The following TTYH2 variants were observed in gnomAD, a reference collection of about 807,000 sequenced individuals.
TTYH2 encodes protein tweety homolog 2.
A neutral mutation model predicts 68.3 loss-of-function variants in TTYH2; 49 were observed. The observed-to-expected ratio is 0.72, with a 90% CI of 0.57 to 0.91. The LOEUF (loss-of-function observed/expected upper bound fraction) is 0.91. Ranked by LOEUF, TTYH2 falls within the 40% of genes least tolerant of loss-of-function variation. The pLI is 0.00. For synonymous variants in TTYH2, 272 were observed against 300.8 expected (o/e 0.90, Z 0.99); for missense variants, 631 against 700.4 (o/e 0.90, Z 1.12).
rs949895028 is a variant in TTYH2, at chr17:74,217,691, C to T, written c.129+3975C>T. ...TCCCTCTCCCAGCCTCCCCCTGAGACCGGCACACCTCTCTCTATGTCTTCT... is the reference window on the plus strand; with the variant it reads ...TCCCTCTCCCAGCCTCCCCCTGAGATCGGCACACCTCTCTCTATGTCTTCT... On this transcript the variant is annotated intron_variant, in intron 1 of 13. Transcript: ENST00000269346. The surrounding 1 kb of genome is among the most constrained non-coding windows in gnomAD (Gnocchi z 4.0). Among the ~76,000 whole-genome samples the T allele has an allele frequency of 1.3e-5, 2 of 152,320 alleles. No homozygotes were observed. Among genetic ancestry groups the T allele is most frequent in the African/African-American group, 4.8e-5 (2 of 41,578 alleles).
At chr17:74,227,983 C>CT (rs35080135) in intron 2 of TTYH2, among the ~76,000 whole-genome samples, 14,133 of 112,456 alleles carry the variant, frequency 0.13, 1,180 homozygotes, top group Non-Finnish European at 0.17. Context: ...TCTTTTCTTT[C>CT]TTTTTTTTTT....
intron 2 of TTYH2, among the ~76,000 whole-genome samples, chr17:74,224,723 G>T (rs971425543): frequency 6.6e-6 from 1 of 152,174 alleles, no homozygotes; most frequent in Non-Finnish European, 1.5e-5. Context: ...GAGAGGGCTG[G>T]GCGTGGTGGC....
chr17:74,237,806 T>C (rs58404160), intron 4 of TTYH2, among the ~76,000 whole-genome samples: 3,645 of 152,140 alleles, frequency 0.024, 156 homozygotes, highest in African/African-American at 0.081. Context: ...AATTTTTGTA[T>C]TTTTAGTAGA....
chr17:74,241,772 G>C lies in TTYH2; in HGVS notation c.636-1602G>C, dbSNP rs1021840217. ...TCCAAATACTTCCCTCTTTGGGGAC[G>C]GGGAAGCCCCTGTCTCTGTGCCCGC... On this transcript the variant is annotated intron_variant, in intron 4 of 13. Coordinates refer to ENST00000269346, the MANE Select transcript of TTYH2 (RefSeq NM_032646.6). The surrounding 1 kb of genome is among the most constrained non-coding windows in gnomAD (Gnocchi z 4.1). Among the ~76,000 whole-genome samples, 3 of 152,172 alleles carry C rather than the reference G, an allele frequency of 2.0e-5. No individual in the cohort carries two copies. The highest frequency in any genetic ancestry group is 4.4e-5 in the Non-Finnish European group (3 of 68,040).
At position 74,222,376 on chromosome 17, in the gene TTYH2, C is replaced by T. The variant is rs183959502; in HGVS notation, c.130-109C>T. The T allele has an allele frequency of 5.0e-5, 64 of 1,287,060 alleles. No homozygotes were observed. In the East Asian group the frequency reaches 1.0e-3, roughly 21 times the overall value. The allele number at this position is 1,287,060 out of a possible 1,614,324, so 79.7% of individuals were successfully genotyped here. ...CCTAGGTGGAGCTTGGAAGGATGGACGAGAGATGCAGCTCAGGCAGTGGGG... is the reference window on the plus strand; with the variant it reads ...CCTAGGTGGAGCTTGGAAGGATGGATGAGAGATGCAGCTCAGGCAGTGGGG... On this transcript the variant is annotated intron_variant, in intron 1 of 13. Transcript: ENST00000269346. This position sits in a 1 kb window ranked among gnomAD's most constrained non-coding sequence, Gnocchi z 5.2.
intron 4 of TTYH2, among the ~76,000 whole-genome samples, chr17:74,240,543 TCTC>T (rs1038120031): frequency 2.0e-5 from 3 of 152,226 alleles, no homozygotes; most frequent in East Asian, 1.9e-4. Context: ...ATCTGTGGCT[TCTC>T]CTCTCACCTG....
intron 5 of TTYH2, 91 bp downstream of exon 5, chr17:74,243,560 G>A: frequency 1.1e-5 from 15 of 1,415,728 alleles, no homozygotes; most frequent in Non-Finnish European, 1.5e-5. Flanking sequence ...TCCAGAGTGT[G>A]GGGAAAATAG....
rs960803457 is a variant in TTYH2, at chr17:74,249,224, A to G, written c.875-120A>G. 17 of 1,558,208 alleles carry G rather than the reference A, an allele frequency of 1.1e-5. 1 individual carries two copies. In the Admixed American group the frequency reaches 1.5e-4, roughly 14 times the overall value. ...CAGCTCATGCTCTAGGCCATTTCCT[A>G]GAAAGTGCCTCCCTTGGGAGCTCAG... On this transcript the variant is annotated intron_variant, in intron 7 of 13. Transcript: ENST00000269346.
In TTYH2 at chr17:74,215,181, G is replaced by A. The variant is rs1421677871; in HGVS notation, c.129+1465G>A. 6.6e-6 allele frequency among the ~76,000 whole-genome samples: 1 copy of A among 151,830 alleles called. No individual in the cohort carries two copies. The highest frequency in any genetic ancestry group is 6.6e-5 in the Admixed American group (1 of 15,222). ...ATTTCAGAAACAGCCGTGTGTGTGT[G>A]TGTGTGTGTGTGTGTGTGTGTGTCC... On this transcript the variant is annotated intron_variant, in intron 1 of 13. Transcript: ENST00000269346. The surrounding 1 kb of genome is among the most constrained non-coding windows in gnomAD (Gnocchi z 4.3).
In TTYH2 at chr17:74,222,971, C is replaced by G. The variant is rs965221142; in HGVS notation, c.302+314C>G. Among the ~76,000 whole-genome samples the G allele has an allele frequency of 6.6e-5, 10 of 152,318 alleles. No homozygotes were observed. Among genetic ancestry groups the G allele is most frequent in the Middle Eastern group, 3.4e-3 (1 of 294 alleles). On this transcript the variant is annotated intron_variant, in intron 2 of 13. Transcript: ENST00000269346. This position sits in a 1 kb window ranked among gnomAD's most constrained non-coding sequence, Gnocchi z 5.2. ...CATCTCCAGTCTCTGTCCCTGGCCC[C>G]TGCCAGCTGCTGCCCTGGGTCTGTG... is the stretch of plus-strand genomic sequence containing the variant.
chr17:74,252,943 C>A, intron 11 of TTYH2, 138 bp from the exon 12 acceptor site: 1 of 830,662 alleles, frequency 1.2e-6, no homozygotes, highest in Non-Finnish European at 1.9e-6. Context: ...GGCTGGGGAC[C>A]GCGTTTTAGA....
chr17:74,243,597 C>T (rs2050524382), intron 5 of TTYH2, 128 bp downstream of exon 5: 1 of 925,238 alleles, frequency 1.1e-6, no homozygotes, highest in Non-Finnish European at 1.7e-6. Flanking sequence ...CACCTTCTGC[C>T]CCGTCCTCAG....
chr17:74,254,783 G>A (rs1311304653), intron 13 of TTYH2, among the ~76,000 whole-genome samples: 2 of 152,240 alleles, frequency 1.3e-5, no homozygotes, highest in Non-Finnish European at 2.9e-5. Context: ...TTTTGCTCCA[G>A]AGAAAATTAA....
intron 4 of TTYH2, among the ~76,000 whole-genome samples, chr17:74,242,141 T>A (rs908079434): frequency 6.6e-6 from 1 of 152,134 alleles, no homozygotes; most frequent in African/African-American, 2.4e-5. Context: ...AGGGGTGAAG[T>A]GGCTTACCAA....
chr17:74,250,005 G>T lies in TTYH2; in HGVS notation c.1000G>T (p.Val334Leu). The T allele has an allele frequency of 1.9e-6, 3 of 1,614,138 alleles. No individual in the cohort carries two copies. Among genetic ancestry groups the T allele is most frequent in the Non-Finnish European group, 2.5e-6 (3 of 1,180,020 alleles). Residue 334 changes from valine (V) to leucine (L), a missense_variant, in exon 9 of 14, where the codon GTG becomes TTG. Coordinates refer to ENST00000269346, the MANE Select transcript of TTYH2 (RefSeq NM_032646.6). Reference sequence around the variant, plus strand: ...GGTCGCGGGGCTGCTGCAGTTTGCCGTGCCCCTCTTCTCCACTGCAGAGGT... The same window carrying T: ...GGTCGCGGGGCTGCTGCAGTTTGCCTTGCCCCTCTTCTCCACTGCAGAGGT... ...IQVAGLLQFA[V>L]PLFSTAEEDL...
At chr17:74,234,221 C>A (rs1816240392) in intron 3 of TTYH2, among the ~76,000 whole-genome samples, 1 of 152,214 alleles carries the variant, frequency 6.6e-6, no homozygotes, top group Non-Finnish European at 1.5e-5. Context: ...GGGGGTGCAT[C>A]TTACGCCCCT....
intron 6 of TTYH2, 115 bp downstream of exon 6, chr17:74,244,164 C>T (rs975913132): frequency 3.1e-5 from 32 of 1,021,892 alleles, no homozygotes; most frequent in Non-Finnish European, 4.3e-5. Flanking sequence ...ATCCCAGAAT[C>T]TCAGAACCAA....
chr17:74,243,317 C>A, intron 4 of TTYH2, 57 bp from the exon 5 acceptor site: 1 of 1,462,512 alleles, frequency 6.8e-7, no homozygotes, highest in Non-Finnish European at 9.6e-7. Flanking sequence ...TCTCACGTGG[C>A]CAGCAGGTCA....
chr17:74,223,331 C>T (rs983854223), intron 2 of TTYH2, among the ~76,000 whole-genome samples: 17 of 151,916 alleles, frequency 1.1e-4, no homozygotes, highest in Non-Finnish European at 1.0e-4. Flanking sequence ...TCATCAAGTT[C>T]CCCAGGCTGA....
Sources: gnomAD v4.1 joint callset for allele counts (sites outside exome capture counted in the v4.1 genomes callset) on GRCh38, gnomAD v4.1.1 for gene constraint, Gnocchi (gnomAD v3.1) non-coding constraint, MANE v1.5 for transcripts, NCBI Gene and HGNC (gene_info 2026-07-23, HGNC 2026-07-21) for gene names.